ZNF718: variants seen among roughly 807,000 people sequenced by gnomAD.
ZNF718 encodes the protein zinc finger protein 718.
Under a neutral mutation model 2.6 loss-of-function variants are expected in ZNF718, and 3 were observed. The observed-to-expected ratio is 1.16, with a 90% CI of 0.53 to 3.01. ZNF718 has a LOEUF of 3.01. ZNF718 is among the 30% of genes most tolerant of loss of function. ZNF718 has a pLI of 0.03. For synonymous variants in ZNF718, 135 were observed against 77.9 expected, an observed-to-expected ratio of 1.73 and a Z score of -3.86; for missense variants, 468 against 230.0, an observed-to-expected ratio of 2.03 and a Z score of -6.69.
chr4:197,764 G>A (rs1453242889), intron 3 of ZNF718, among the ~76,000 whole-genome samples: 1 of 152,216 alleles, frequency 6.6e-6, no homozygotes, highest in African/African-American at 2.4e-5. Context: ...CTGACTTTTA[G>A]TTTAAGCACA....
intron 3 of ZNF718, among the ~76,000 whole-genome samples, chr4:133,761 C>T (rs1553808765): frequency 6.6e-6 from 1 of 152,166 alleles, no homozygotes. Context: ...AAAGTGAGGA[C>T]TTACTGTACA....
At chr4:174,146 C>T (rs186906717) in intron 3 of ZNF718, among the ~76,000 whole-genome samples, 113 of 152,284 alleles carry the variant, frequency 7.4e-4, no homozygotes, top group African/African-American at 2.6e-3. Context: ...GTAAGGACAG[C>T]TGCCTTCAGC....
intron 3 of ZNF718, among the ~76,000 whole-genome samples, chr4:157,227 T>G (rs1716615559): frequency 6.6e-6 from 1 of 150,752 alleles, no homozygotes. Context: ...ATCCTCCTGC[T>G]TCAGCCTCCT....
intron 1 of ZNF718, 131 bp downstream of exon 1, chr4:124,804 G>A: frequency 7.8e-7 from 1 of 1,275,584 alleles, no homozygotes; most frequent in Non-Finnish European, 1.1e-6. Context: ...CTCCGGTGAG[G>A]GACCCGCGCT....
At chr4:183,841 T>A (rs1373409845) in intron 3 of ZNF718, among the ~76,000 whole-genome samples, 1 of 152,178 alleles carries the variant, frequency 6.6e-6, no homozygotes, top group Non-Finnish European at 1.5e-5. Flanking sequence ...GCTAGAGATT[T>A]TTTTTTTCAT....
intron 3 of ZNF718, among the ~76,000 whole-genome samples, chr4:141,058 C>G (rs368836224): frequency 2.6e-5 from 4 of 152,060 alleles, no homozygotes; most frequent in African/African-American, 9.7e-5. Context: ...TCTAAAGTTG[C>G]GGAATTGTCC....
At chr4:144,666 CTTGT>C (rs1466359223) in intron 3 of ZNF718, among the ~76,000 whole-genome samples, 1 of 151,544 alleles carries the variant, frequency 6.6e-6, no homozygotes, top group Non-Finnish European at 1.5e-5. Flanking sequence ...TTTTTTTTCT[CTTGT>C]TTAATTTCTT....
At chr4:166,203 G>A (rs1484107985), downstream of ZNF718, among the ~76,000 whole-genome samples, 1 of 152,140 alleles carries the variant, frequency 6.6e-6, no homozygotes, top group Non-Finnish European at 1.5e-5. Flanking sequence ...TGGCTGCATA[G>A]TATTCCATGG....
intron 3 of ZNF718, among the ~76,000 whole-genome samples, chr4:176,597 A>G (rs1717350174): frequency 6.6e-6 from 1 of 152,228 alleles, no homozygotes; most frequent in African/African-American, 2.4e-5. Context: ...TATCACCCCC[A>G]ATATTTTAAC....
intron 1 of ZNF718, among the ~76,000 whole-genome samples, chr4:126,855 C>T (rs1715244714): frequency 1.4e-5 from 2 of 147,552 alleles, no homozygotes; most frequent in South Asian, 2.1e-4. Flanking sequence ...AAGACGGAGT[C>T]TTCGCTGTGT....
At chr4:196,195 G>A (rs1405306855) in intron 3 of ZNF718, among the ~76,000 whole-genome samples, 1 of 152,198 alleles carries the variant, frequency 6.6e-6, no homozygotes, top group Non-Finnish European at 1.5e-5. Context: ...ATTGCAGAGG[G>A]GTCAGCTGGG....
chr4:192,298 G>A (rs149576270), intron 3 of ZNF718, among the ~76,000 whole-genome samples: 2,423 of 152,316 alleles, frequency 0.016, 30 homozygotes, highest in Middle Eastern at 0.034. Context: ...CTCCCTGCTT[G>A]AATGCCTGGG....
intron 3 of ZNF718, among the ~76,000 whole-genome samples, chr4:189,391 G>A (rs1553820843): frequency 1.3e-5 from 2 of 151,568 alleles, no homozygotes; most frequent in African/African-American, 4.8e-5. Flanking sequence ...TTCCCAAATG[G>A]TTTTTCCAAT....
At position 162,194 on chromosome 4, in the gene ZNF718, C is replaced by T; in HGVS notation, c.*72C>T. On this transcript the variant is annotated 3_prime_UTR_variant, in exon 4 of 4. Coordinates refer to ENST00000510175, the MANE Select transcript of ZNF718 (RefSeq NM_001039127.6). The stretch of plus-strand genomic sequence containing the variant: ...AATCATAATTCATACTGGAGAGAAA[C>T]TCTACACATGAAAAAATTGACAAAG... 1 of 599,052 alleles carries T rather than the reference C, an allele frequency of 1.7e-6. No homozygotes were observed. Among genetic ancestry groups the T allele is most frequent in the East Asian group, 2.7e-5 (1 of 37,468 alleles). The allele number at this position is 599,052 out of a possible 1,614,324, so 37.1% of individuals were successfully genotyped here.
intron 3 of ZNF718, among the ~76,000 whole-genome samples, chr4:151,410 T>G (rs1716316405): frequency 6.6e-6 from 1 of 152,148 alleles, no homozygotes; most frequent in South Asian, 2.1e-4. Flanking sequence ...CCAGGCAGTC[T>G]TTTCAATTAC....
At chr4:193,392 A>G (rs1431997677) in intron 3 of ZNF718, among the ~76,000 whole-genome samples, 1 of 151,904 alleles carries the variant, frequency 6.6e-6, no homozygotes, top group Admixed American at 6.6e-5. Context: ...TTCTCTCCAT[A>G]TTGCTGTGTG....
At chr4:201,997 C>G (rs930221456) in exon 5 of ZNF718, 5 of 159,756 alleles carry the variant, frequency 3.1e-5, no homozygotes, top group African/African-American at 1.2e-4. Context: ...TGCCTAGTGA[C>G]ATGCTTTGGC....
chr4:156,896 A>AG (rs1581454001), intron 3 of ZNF718, among the ~76,000 whole-genome samples: 2 of 152,170 alleles, frequency 1.3e-5, no homozygotes, highest in African/African-American at 4.8e-5. Flanking sequence ...TGCTGCAATA[A>AG]TTATGAGTGT....
intron 3 of ZNF718, among the ~76,000 whole-genome samples, chr4:184,315 G>T (rs1354228749): frequency 6.6e-6 from 1 of 152,060 alleles, no homozygotes; most frequent in South Asian, 2.1e-4. Context: ...CACATATATC[G>T]ATTTGTGTAT....
Sources: allele counts gnomAD v4.1 joint callset (sites outside exome capture counted in the v4.1 genomes callset), GRCh38; gene constraint gnomAD v4.1.1; transcripts MANE v1.5; gene names NCBI Gene and HGNC (gene_info 2026-07-23, HGNC 2026-07-21).